The following ARHGEF39 variants were observed in gnomAD, a reference collection of about 807,000 sequenced individuals.
The protein encoded by ARHGEF39 is Rho guanine nucleotide exchange factor (GEF) 39.
In ARHGEF39, 45 loss-of-function variants were observed where a neutral mutation model predicts 47.5. That is an observed-to-expected ratio of 0.95 (90% CI 0.75 to 1.22). The LOEUF (loss-of-function observed/expected upper bound fraction) is 1.22, where lower values mean the gene tolerates loss of function less well. Among genes scored for constraint, ARHGEF39 ranks in the 50% most tolerant of loss-of-function variants. The pLI is 0.00. For synonymous variants in ARHGEF39, 164 were observed against 167.8 expected (o/e 0.98, Z 0.17); for missense variants, 411 against 425.3 (o/e 0.97, Z 0.30).
intron 7 of ARHGEF39, 101 bp downstream of exon 7, chr9:35,662,411 A>T: frequency 7.1e-7 from 1 of 1,399,112 alleles, no homozygotes. Flanking sequence ...CTCAATGTAG[A>T]TGGCTCTGTT....
At position 35,662,729 on chromosome 9, in the gene ARHGEF39, A is replaced by G; in HGVS notation, c.686T>C (p.Leu229Pro). ...CACCACTAACAGCCAGCCCTGGCGTAGGAACCAGCGCCCTGGGGGATGGGA... is the reference window on the plus strand; with the variant it reads ...CACCACTAACAGCCAGCCCTGGCGTGGGAACCAGCGCCCTGGGGGATGGGA... ...AKGLTSGRWF[L>P]RQGWLLVVPP... is the part of the protein sequence containing the mutation. The change falls in exon 7 of 9, where the codon CTA (leucine) becomes CCA (proline). Residue 229 changes from leucine (L) to proline (P), a missense_variant. Leu to Pro is a moderately conservative substitution (Grantham distance 98). Transcript: ENST00000378387. The G allele has an allele frequency of 1.3e-6, 2 of 1,561,108 alleles. No individual in the cohort carries two copies. The highest frequency in any genetic ancestry group is 1.7e-6 in the Non-Finnish European group (2 of 1,152,506).
chr9:35,663,442 TC>T (rs766809252), intron 4 of ARHGEF39, 50 bp from the exon 5 acceptor site: 6 of 1,501,410 alleles, frequency 4.0e-6, no homozygotes, highest in Admixed American at 3.4e-5. Context: ...CAGGCAGAAT[TC>T]CCCCTGCCTG....
chr9:35,662,603 G>A lies in ARHGEF39; in HGVS notation c.812C>T (p.Thr271Ile), dbSNP rs1343537805. ...GGGGTAGAGGGCCTTGCAGGCAAAG[G>A]TGCCACTCCGCAGCAGGTGCAGTGG... The part of the protein sequence containing the change: ...RPPLHLLRSG[T>I]FACKALYPMA... The change falls in exon 7 of 9, where the codon ACC becomes ATC. Residue 271 changes from threonine to isoleucine, a missense_variant. By Grantham distance (89) the Thr-to-Ile change is moderately conservative (BLOSUM62 -1). Transcript: ENST00000378387. The A allele has an allele frequency of 1.1e-5, 17 of 1,614,060 alleles. No homozygotes were observed. Among genetic ancestry groups the A allele is most frequent in the African/African-American group, 4.0e-5 (3 of 74,940 alleles).
chr9:35,662,215 A>G lies in ARHGEF39; in HGVS notation c.956T>C (p.Leu319Pro), dbSNP rs778898090. The change falls in exon 8 of 9, where the codon CTG (leucine) becomes CCG (proline). Residue 319 changes from leucine (L) to proline (P), a missense_variant. Physicochemically the swap from Leu to Pro is moderately conservative, Grantham distance 98 (BLOSUM62 -3). Coordinates refer to ENST00000378387, the MANE Select transcript of ARHGEF39 (RefSeq NM_032818.3). ...LLLMSTDQEE[L>P]SRWYHSLTWA... ...AGTCAGACTGTGGTACCAGCGTGACAGCTCCTCCTGGTCTGTGGACATAAG... is the reference window on the plus strand; with the variant it reads ...AGTCAGACTGTGGTACCAGCGTGACGGCTCCTCCTGGTCTGTGGACATAAG... 1 of 1,614,210 alleles carries G rather than the reference A, an allele frequency of 6.2e-7. No individual in the cohort carries two copies.
Position 35,661,813 on chromosome 9 carries a change from C to T in ARHGEF39, c.*174G>A, listed in dbSNP as rs550987771. The T allele has an allele frequency of 1.8e-5, 13 of 722,676 alleles. No individual in the cohort carries two copies. Among genetic ancestry groups the T allele is most frequent in the Admixed American group, 5.7e-5 (2 of 34,900 alleles). 44.8% of individuals were successfully genotyped at this position (722,676 alleles called of 1,614,324 possible). ...ACAGGCATGAGCCACTGTGCCTGGC[C>T]GTGATTTTTAAGAGTTGGTCAGATG... On this transcript the variant is annotated 3_prime_UTR_variant, in exon 9 of 9. Transcript: ENST00000378387.
chr9:35,660,438 G>A lies in ARHGEF39; in HGVS notation c.*1549C>T, dbSNP rs1823859164. The A allele has an allele frequency of 1.2e-6, 2 of 1,612,286 alleles. No individual in the cohort carries two copies. The highest frequency in any genetic ancestry group is 1.7e-6 in the Non-Finnish European group (2 of 1,179,204). On this transcript the variant is annotated 3_prime_UTR_variant, in exon 9 of 9. Coordinates refer to ENST00000378387, the MANE Select transcript of ARHGEF39 (RefSeq NM_032818.3). ...ACTGCGGTTCTCCACGAGGAGGCAA[G>A]CAAGCAGCAGCCACTGCAGTCAGGT...
At position 35,665,013 on chromosome 9, in the gene ARHGEF39, C is replaced by A; in HGVS notation, c.138+19G>T. On this transcript the variant is annotated intron_variant, in intron 1 of 8. Transcript: ENST00000378387. ...TGGGGTCCCTGTCCTATAATGGGAG[C>A]GTGTGCCAGGTCCCCCACCGTGGCC... The A allele has an allele frequency of 6.5e-7, 1 of 1,539,958 alleles. No homozygotes were observed. The highest frequency in any genetic ancestry group is 2.0e-5 in the Admixed American group (1 of 49,768).
rs1450437545 is a variant in ARHGEF39, at chr9:35,662,494, T to A, written c.903+18A>T. The A allele has an allele frequency of 1.9e-6, 3 of 1,604,288 alleles. No individual in the cohort carries two copies. Among genetic ancestry groups the A allele is most frequent in the Non-Finnish European group, 2.6e-6 (3 of 1,174,990 alleles). On this transcript the variant is annotated intron_variant, in intron 7 of 8. Coordinates refer to ENST00000378387, the MANE Select transcript of ARHGEF39 (RefSeq NM_032818.3). ...TCTGAGACATATTTTGGGTCTAGGG[T>A]TCCCACCTATTACTTACACTGAGCA...
At position 35,663,237 on chromosome 9, in the gene ARHGEF39, T is replaced by C. The variant is rs779644741; in HGVS notation, c.544+85A>G. 3.2e-6 allele frequency: 5 copies of C among 1,562,120 alleles called. No homozygotes were observed. In the East Asian group the frequency reaches 1.1e-4, roughly 35 times the overall value. ...TACATGTCAGTGGAAGATAGGGTCA[T>C]ACCAGACATTGTTGGAGGTCAGAAT... On this transcript the variant is annotated intron_variant, in intron 5 of 8. Transcript: ENST00000378387.
intron 3 of ARHGEF39, 99 bp from the exon 4 acceptor site, chr9:35,664,225 C>T: frequency 1.3e-6 from 2 of 1,510,986 alleles, no homozygotes; most frequent in Non-Finnish European, 1.8e-6. Flanking sequence ...AGCTGTGCTC[C>T]TGAGAGAAAC....
In ARHGEF39 at chr9:35,664,933, C is replaced by T; in HGVS notation, c.139-83G>A. 4 of 1,538,350 alleles carry T rather than the reference C, an allele frequency of 2.6e-6. No homozygotes were observed. In the South Asian group the frequency reaches 4.8e-5, roughly 19 times the overall value. The stretch of plus-strand genomic sequence containing the variant: ...CGCCCCCAGAAACCGCAGAAGTCTG[C>T]CCAGGCTCCCTACATGCTCCGGGTT... On this transcript the variant is annotated intron_variant, in intron 1 of 8. Coordinates refer to ENST00000378387, the MANE Select transcript of ARHGEF39 (RefSeq NM_032818.3).
rs1823850039 is a variant in ARHGEF39 at position 35,660,340 on chromosome 9, A to T, written c.*1647T>A. ...CACTCTCTCTTGGCTGGCTCTGGAG[A>T]CTGAGGTGATGGAGCAGAACCTTGT... On this transcript the variant is annotated 3_prime_UTR_variant, in exon 9 of 9. Coordinates refer to ENST00000378387, the MANE Select transcript of ARHGEF39 (RefSeq NM_032818.3). 1 of 1,429,930 alleles carries T rather than the reference A, an allele frequency of 7.0e-7. No individual in the cohort carries two copies. 88.6% of individuals were successfully genotyped at this position (1,429,930 alleles called of 1,614,324 possible).
rs1247747374 is a variant in ARHGEF39 at position 35,660,549 on chromosome 9, AT to A, written c.*1437del. On this transcript the variant is annotated 3_prime_UTR_variant, in exon 9 of 9. Coordinates refer to ENST00000378387, the MANE Select transcript of ARHGEF39 (RefSeq NM_032818.3). ...CCACTTCTGCCCCCTTTTTTCCCTTATCCCCAGAGCAACAGCTGGCCCAGTT... is the reference window on the plus strand; with the variant it reads ...CCACTTCTGCCCCCTTTTTTCCCTTACCCCAGAGCAACAGCTGGCCCAGTT... 6.2e-7 allele frequency: 1 copy of A among 1,613,490 alleles called. No individual in the cohort carries two copies. Among genetic ancestry groups the A allele is most frequent in the South Asian group, 1.1e-5 (1 of 91,048 alleles).
chr9:35,663,198 G>A (rs1270926965), intron 5 of ARHGEF39, 124 bp from the exon 6 acceptor site: 4 of 1,562,604 alleles, frequency 2.6e-6, no homozygotes, highest in South Asian at 2.2e-5. Context: ...AGGCAGAGCA[G>A]TAGGGACACT....
At chr9:35,664,193 T>G in intron 3 of ARHGEF39, 67 bp from the exon 4 acceptor site, 1 of 1,549,498 alleles carries the variant, frequency 6.5e-7, no homozygotes, top group Non-Finnish European at 8.9e-7. Context: ...TTCATCTGTA[T>G]CCACATTCCC....
Position 35,663,403 on chromosome 9 carries a change from A to G in ARHGEF39, c.474-11T>C, listed in dbSNP as rs1824077739. Reference sequence around the variant, plus strand: ...ACGAGATTCTCATACCTGGAATTCAACAGTGGGAAGTCTGAGGGGAAGCAG... The same window carrying G: ...ACGAGATTCTCATACCTGGAATTCAGCAGTGGGAAGTCTGAGGGGAAGCAG... On this transcript the variant is annotated splice_polypyrimidine_tract_variant and intron_variant, in intron 4 of 8. Transcript: ENST00000378387. 1.2e-6 allele frequency: 2 copies of G among 1,612,320 alleles called. No individual in the cohort carries two copies. Among genetic ancestry groups the G allele is most frequent in the African/African-American group, 1.3e-5 (1 of 75,014 alleles).
In ARHGEF39 at chr9:35,665,102, C is replaced by T. The variant is rs773569161; in HGVS notation, c.68G>A (p.Arg23His). 2.5e-5 allele frequency: 38 copies of T among 1,550,164 alleles called. No individual in the cohort carries two copies. The highest frequency in any genetic ancestry group is 3.3e-5 in the Non-Finnish European group (38 of 1,147,730). ...TAGCAGCTCCCGGGCGGTGCAGGCGCGTTTCCGCTCCCAGCGGGCACGCTG... is the reference window on the plus strand; with the variant it reads ...TAGCAGCTCCCGGGCGGTGCAGGCGTGTTTCCGCTCCCAGCGGGCACGCTG... ...QEQRARWERK[R>H]ACTARELLET... Residue 23 changes from arginine (R) to histidine (H), a missense_variant, in exon 1 of 9, where the codon CGC becomes CAC. Arg to His is a conservative substitution (Grantham distance 29). Transcript: ENST00000378387.
Position 35,664,809 on chromosome 9 carries a change from T to C in ARHGEF39, c.180A>G (p.Pro60=). The change falls in exon 2 of 9, where the codon CCA becomes CCG. Residue 60 remains proline (P), a synonymous_variant. Coordinates refer to ENST00000378387, the MANE Select transcript of ARHGEF39 (RefSeq NM_032818.3). ...GILKAKGTLR[P]PERQALFGSW... ...AGCCAAACAGGGCCTGGCGCTCAGG[T>C]GGTCGCAGGGTCCCCTTGGCTTTCA... is the stretch of plus-strand genomic sequence containing the variant. 1.2e-6 allele frequency: 2 copies of C among 1,612,048 alleles called. No individual in the cohort carries two copies. The highest frequency in any genetic ancestry group is 1.7e-6 in the Non-Finnish European group (2 of 1,179,998).
At position 35,661,978 on chromosome 9, in the gene ARHGEF39, A is replaced by AATAT; in HGVS notation, c.*8_*9insATAT. Reference sequence around the variant, plus strand: ...AGGTATCCTGAGTTCTGGAATCTATAAGATTCCTCTAGTTTTTCTGGCTGC... The same window carrying AATAT: ...AGGTATCCTGAGTTCTGGAATCTATAATATAGATTCCTCTAGTTTTTCTGGCTGC... On this transcript the variant is annotated 3_prime_UTR_variant, in exon 9 of 9. Transcript: ENST00000378387. The AATAT allele has an allele frequency of 6.2e-7, 1 of 1,613,488 alleles. No individual in the cohort carries two copies. Among genetic ancestry groups the AATAT allele is most frequent in the African/African-American group, 1.3e-5 (1 of 75,032 alleles).
Sources: gnomAD v4.1 joint callset for allele counts on GRCh38, gnomAD v4.1.1 for gene constraint, MANE v1.5 for transcripts, NCBI Gene and HGNC (gene_info 2026-07-23, HGNC 2026-07-21) for gene names.